The following DOK5 variants were observed in gnomAD, a reference collection of about 807,000 sequenced individuals.
DOK5 encodes the protein downstream of tyrosine kinase 5.
Under a neutral mutation model 43.3 loss-of-function variants are expected in DOK5, and 27 were observed. That is an observed-to-expected ratio of 0.62 (90% CI 0.46 to 0.86). The LOEUF is 0.86. Ranked by LOEUF, DOK5 falls within the 40% of genes least tolerant of loss-of-function variation. DOK5 has a pLI of 0.00. For missense variants in DOK5, 373 were observed against 392.9 expected (o/e 0.95, Z 0.43); for synonymous variants, 146 against 140.1 (o/e 1.04, Z -0.30).
At chr20:54,624,213 C>T (rs1295142785) in intron 6 of DOK5, among the ~76,000 whole-genome samples, 3 of 152,184 alleles carry the variant, frequency 2.0e-5, no homozygotes, top group Non-Finnish European at 4.4e-5. Context: ...GTAGGCGATT[C>T]TGCCCAGCAG....
At chr20:54,511,525 T>C (rs751126363) in intron 1 of DOK5, among the ~76,000 whole-genome samples, 8 of 152,240 alleles carry the variant, frequency 5.3e-5, no homozygotes, top group Admixed American at 1.3e-4. Flanking sequence ...TCTTGGAGAA[T>C]TTAAAAGCCG....
At chr20:54,536,821 T>G (rs1431646834) in intron 1 of DOK5, among the ~76,000 whole-genome samples, 1 of 152,168 alleles carries the variant, frequency 6.6e-6, no homozygotes, top group East Asian at 1.9e-4. Context: ...GTTATCCCAA[T>G]ACTTCACCAA....
At chr20:54,526,288 G>A (rs1407875374) in intron 1 of DOK5, among the ~76,000 whole-genome samples, 1 of 152,086 alleles carries the variant, frequency 6.6e-6, no homozygotes, top group Non-Finnish European at 1.5e-5. Flanking sequence ...AGTCTGAGGG[G>A]TGTCTTTTCT....
chr20:54,634,437 C>CTT lies in DOK5; in HGVS notation c.736-9000_736-8999dup, dbSNP rs11470013. Among the ~76,000 whole-genome samples the CTT allele has an allele frequency of 3.3e-3, 297 of 90,386 alleles. 11 individuals carry two copies. Among genetic ancestry groups the CTT allele is most frequent in the Non-Finnish European group, 3.7e-3 (183 of 49,150 alleles). 59.3% of individuals were successfully genotyped at this position (90,386 alleles called of 152,430 possible). On this transcript the variant is annotated intron_variant, in intron 6 of 7. Coordinates refer to ENST00000262593, the MANE Select transcript of DOK5 (RefSeq NM_018431.5). Reference sequence around the variant, plus strand: ...CACTCAACTAATTCATCATATCATGCTTTTTTTTTTTTTTTTTTTTTTGAG... The same window carrying CTT: ...CACTCAACTAATTCATCATATCATGCTTTTTTTTTTTTTTTTTTTTTTTTGAG...
At chr20:54,607,185 G>C (rs1986499253) in intron 5 of DOK5, among the ~76,000 whole-genome samples, 1 of 152,148 alleles carries the variant, frequency 6.6e-6, no homozygotes, top group Non-Finnish European at 1.5e-5. Context: ...GAAACTGTGA[G>C]TACCTTGGAC....
chr20:54,539,244 A>G lies in DOK5; in HGVS notation c.67-15689A>G, dbSNP rs1016796937. On this transcript the variant is annotated intron_variant, in intron 1 of 7. Transcript: ENST00000262593. ...GGCAGAGGTGAGATCGCACCCCTGC[A>G]CTCCAGCCTGGGCAACAGAGCGAGG... Among the ~76,000 whole-genome samples the G allele has an allele frequency of 2.3e-5, 3 of 131,484 alleles. No individual in the cohort carries two copies. In the Admixed American group the frequency reaches 2.8e-4, roughly 12 times the overall value. 86.3% of individuals were successfully genotyped at this position (131,484 alleles called of 152,430 possible). A position where few individuals can be genotyped will look rare whatever the true frequency, so the allele number is the denominator to read the frequency against.
intron 2 of DOK5, among the ~76,000 whole-genome samples, chr20:54,576,166 A>T (rs1224783588): frequency 1.1e-4 from 16 of 152,216 alleles, no homozygotes; most frequent in Non-Finnish European, 2.9e-5. Context: ...TAACATCTAT[A>T]TCAAAAGACG....
At chr20:54,493,078 A>C (rs796664677) in intron 1 of DOK5, among the ~76,000 whole-genome samples, 2,948 of 150,806 alleles carry the variant, frequency 0.02, 119 homozygotes, top group African/African-American at 0.064. Flanking sequence ...AAAAAAAAAA[A>C]AAAGGGATGT....
At chr20:54,575,200 T>G (rs1386475667) in intron 2 of DOK5, among the ~76,000 whole-genome samples, 1 of 152,188 alleles carries the variant, frequency 6.6e-6, no homozygotes, top group South Asian at 2.1e-4. Context: ...AGGAATCATT[T>G]ACAAAATATG....
chr20:54,583,876 C>A (rs539872280), intron 2 of DOK5, among the ~76,000 whole-genome samples: 1 of 151,936 alleles, frequency 6.6e-6, no homozygotes, highest in Admixed American at 6.6e-5. Context: ...AAAGTAATTA[C>A]TGCACCAGGC....
chr20:54,554,620 C>A (rs922748223), intron 1 of DOK5, among the ~76,000 whole-genome samples: 3 of 152,142 alleles, frequency 2.0e-5, no homozygotes, highest in African/African-American at 7.2e-5. Context: ...TCCTTGAATG[C>A]CTATTTTATT....
intron 1 of DOK5, among the ~76,000 whole-genome samples, chr20:54,515,455 T>C (rs935180781): frequency 1.3e-4 from 20 of 152,240 alleles, no homozygotes; most frequent in African/African-American, 4.6e-4. Context: ...TTGTAACTAA[T>C]TTGTAGATTA....
At chr20:54,628,821 A>T (rs1176504579) in intron 6 of DOK5, among the ~76,000 whole-genome samples, 1 of 152,242 alleles carries the variant, frequency 6.6e-6, no homozygotes, top group Non-Finnish European at 1.5e-5. Flanking sequence ...GGTATTTTAT[A>T]AACCTCAGAA....
intron 1 of DOK5, among the ~76,000 whole-genome samples, chr20:54,506,557 T>A (rs1318871303): frequency 6.6e-6 from 1 of 152,144 alleles, no homozygotes; most frequent in Non-Finnish European, 1.5e-5. Context: ...ACCTCCTGGG[T>A]TCTAGCGATC....
At chr20:54,555,677 A>T (rs117539783) in intron 2 of DOK5, 1 of 152,264 alleles carries the variant, frequency 6.6e-6, no homozygotes, top group East Asian at 1.9e-4. Flanking sequence ...TTCTTTTTTC[A>T]TGAAAACGTG....
At chr20:54,501,800 A>G (rs1234775718) in intron 1 of DOK5, among the ~76,000 whole-genome samples, 1 of 152,248 alleles carries the variant, frequency 6.6e-6, no homozygotes, top group African/African-American at 2.4e-5. Context: ...TGTGTTCAGC[A>G]CATTAATAAA....
chr20:54,636,824 C>T (rs928067956), intron 6 of DOK5, among the ~76,000 whole-genome samples: 4 of 152,162 alleles, frequency 2.6e-5, no homozygotes, highest in Non-Finnish European at 2.9e-5. Flanking sequence ...TGGTTACAAA[C>T]GAACTCCCAA....
intron 5 of DOK5, among the ~76,000 whole-genome samples, chr20:54,592,823 C>T (rs1328228191): frequency 6.6e-5 from 10 of 152,260 alleles, no homozygotes; most frequent in African/African-American, 1.9e-4. Context: ...TGAGCCACCA[C>T]GCCCGGCCAG....
At chr20:54,617,596 A>T (rs768334119) in intron 6 of DOK5, among the ~76,000 whole-genome samples, 2 of 152,140 alleles carry the variant, frequency 1.3e-5, no homozygotes, top group East Asian at 1.9e-4. Flanking sequence ...AAGTGCTGAG[A>T]TTACAGGTAT....
Sources: allele counts gnomAD v4.1 joint callset (sites outside exome capture counted in the v4.1 genomes callset), GRCh38; gene constraint gnomAD v4.1.1; transcripts MANE v1.5; gene names NCBI Gene and HGNC (gene_info 2026-07-23, HGNC 2026-07-21).